SLC4A11: variants seen among roughly 807,000 people sequenced by gnomAD.
SLC4A11 encodes solute carrier family 4 member 11.
SLC4A11 carries 74 observed loss-of-function variants against 95.0 expected under a neutral mutation model. The observed-to-expected ratio is 0.78, with a 90% CI of 0.65 to 0.95. The LOEUF is 0.95. Among genes scored for constraint, SLC4A11 ranks in the 40% least tolerant of loss-of-function variants. The pLI is 0.00. For missense variants in SLC4A11, 1,081 were observed against 1,192.4 expected (o/e 0.91, Z 1.38); for synonymous variants, 548 against 519.0 (o/e 1.06, Z -0.76).
rs1257872912 is a variant in SLC4A11 at position 3,231,253 on chromosome 20, G to C, written c.949-11C>G. ...CTTGCACTTTGGGGGCTGGAGGAGA[G>C]GACAGAGCGCCTGTTAGCCCTGTCC... On this transcript the variant is annotated splice_polypyrimidine_tract_variant and intron_variant, in intron 8 of 19. Transcript: ENST00000642402. This position sits in a 1 kb window ranked among gnomAD's most constrained non-coding sequence, Gnocchi z 5.2. 2.5e-6 allele frequency: 4 copies of C among 1,613,654 alleles called. No individual in the cohort carries two copies. Among genetic ancestry groups the C allele is most frequent in the Non-Finnish European group, 3.4e-6 (4 of 1,180,018 alleles).
In SLC4A11 at chr20:3,231,139, G is replaced by T. The variant is rs1236632247; in HGVS notation, c.1042+10C>A. 6.2e-7 allele frequency: 1 copy of T among 1,614,040 alleles called. No homozygotes were observed. The highest frequency in any genetic ancestry group is 1.7e-5 in the Admixed American group (1 of 60,012). ...GTGGGCCCAAGGCCTGGAAAGCAGA[G>T]GCCACGTACCATCAGTGAAGTCCAA... On this transcript the variant is annotated intron_variant, in intron 9 of 19. Coordinates refer to ENST00000642402, the MANE Select transcript of SLC4A11 (RefSeq NM_001174089.2). The surrounding 1 kb of genome is among the most constrained non-coding windows in gnomAD (Gnocchi z 5.2).
chr20:3,239,229 G>A, upstream of SLC4A11: 2 of 1,310,998 alleles, frequency 1.5e-6, no homozygotes, highest in South Asian at 2.0e-5. Context: ...CCGGCGGCGG[G>A]AGCCGGCGAC....
chr20:3,234,465 T>C lies in SLC4A11; in HGVS notation c.291+103A>G. On this transcript the variant is annotated intron_variant, in intron 4 of 19. Coordinates refer to ENST00000642402, the MANE Select transcript of SLC4A11 (RefSeq NM_001174089.2). The surrounding 1 kb of genome is among the most constrained non-coding windows in gnomAD (Gnocchi z 5.8). The stretch of plus-strand genomic sequence containing the variant: ...TGCGAGCTCCCTGTTGAGCTGCTCC[T>C]GGAGGCATGGGAAGAGGGGAGCAGC... The C allele has an allele frequency of 1.3e-6, 2 of 1,553,056 alleles. No homozygotes were observed. The highest frequency in any genetic ancestry group is 1.7e-5 in the Admixed American group (1 of 59,812).
chr20:3,235,193 G>T (rs559133066), intron 2 of SLC4A11, among the ~76,000 whole-genome samples: 1 of 152,114 alleles, frequency 6.6e-6, no homozygotes. Flanking sequence ...GGGCAGGCAC[G>T]GAGTGCAATA....
chr20:3,234,212 G>A lies in SLC4A11; in HGVS notation c.394C>T (p.Leu132=). 1 of 1,614,156 alleles carries A rather than the reference G, an allele frequency of 6.2e-7. No homozygotes were observed. Among genetic ancestry groups the A allele is most frequent in the Non-Finnish European group, 8.5e-7 (1 of 1,180,040 alleles). ...AGCATGGTCCGCAGCACGTTATCCA[G>A]GGAGGTGGCCGTCTCGTTCAGGACG... ...SIVLNETATS[L]DNVLRTMLRR... Residue 132 remains leucine (L), a synonymous_variant, in exon 5 of 20, where the codon CTG becomes TTG. Coordinates refer to ENST00000642402, the MANE Select transcript of SLC4A11 (RefSeq NM_001174089.2). The surrounding 1 kb of genome is among the most constrained non-coding windows in gnomAD (Gnocchi z 5.8).
Position 3,229,258 on chromosome 20 carries a change from T to G in SLC4A11, c.1855A>C (p.Lys619Gln), listed in dbSNP as rs779432630. Residue 619 changes from lysine to glutamine, a missense_variant, in exon 16 of 20, where the codon AAG becomes CAG. Transcript: ENST00000642402. ...CTCTCGCTGGGGTTGTAGCGGAACT[T>G]GCTCACTGCAGTAGGGGACAGGCTA... is the stretch of plus-strand genomic sequence containing the variant. The part of the protein sequence containing the change: ...SHGFREIEMS[K>Q]FRYNPSESPF... 6.2e-7 allele frequency: 1 copy of G among 1,612,910 alleles called. No individual in the cohort carries two copies. The highest frequency in any genetic ancestry group is 8.5e-7 in the Non-Finnish European group (1 of 1,179,994).
rs759667344 is a variant in SLC4A11 at position 3,233,936 on chromosome 20, G to A, written c.590C>T (p.Ser197Leu). 8 of 1,613,352 alleles carry A rather than the reference G, an allele frequency of 5.0e-6. No homozygotes were observed. Among genetic ancestry groups the A allele is most frequent in the Non-Finnish European group, 6.8e-6 (8 of 1,180,018 alleles). The part of the protein sequence containing the change: ...ATVTGVRYQQ[S>L]WLCIICTMKA... ...GGCAACTCACATGATGCAGAGCCAC[G>A]ACTGCTGGTACCGCACCCCTGTCAC... is the stretch of plus-strand genomic sequence containing the variant. The change falls in exon 6 of 20, where the codon TCG becomes TTG. Residue 197 changes from serine to leucine, a missense_variant. By Grantham distance (145) the Ser-to-Leu change is moderately radical. Around this residue, in one of 3 missense-constraint regions of SLC4A11, gnomAD observed 310 missense variants for 313.5 expected, o/e 0.99. Transcript: ENST00000642402.
intron 1 of SLC4A11, 45 bp from the exon 2 acceptor site, chr20:3,237,633 T>G (rs764893018): frequency 5.0e-6 from 8 of 1,614,010 alleles, no homozygotes; most frequent in Non-Finnish European, 5.9e-6. Flanking sequence ...GACCAAGCCC[T>G]GGACCTCCTG....
chr20:3,237,527 C>A lies in SLC4A11; in HGVS notation c.88+17G>T, dbSNP rs1183164030. 1.2e-6 allele frequency: 2 copies of A among 1,613,220 alleles called. No homozygotes were observed. Among genetic ancestry groups the A allele is most frequent in the African/African-American group, 1.3e-5 (1 of 74,922 alleles). ...CAAGCTCTCTCTGCACACACACACT[C>A]CCCGAGAGGTACTCACTTGAATCCT... On this transcript the variant is annotated intron_variant, in intron 2 of 19. Transcript: ENST00000642402.
At position 3,229,770 on chromosome 20, in the gene SLC4A11, C is replaced by G; in HGVS notation, c.1496G>C (p.Trp499Ser). 6.2e-7 allele frequency: 1 copy of G among 1,613,870 alleles called. No individual in the cohort carries two copies. The highest frequency in any genetic ancestry group is 8.5e-7 in the Non-Finnish European group (1 of 1,179,986). The change falls in exon 14 of 20, where the codon TGG (tryptophan) becomes TCG (serine). Residue 499 changes from tryptophan (W) to serine (S), a missense_variant. By Grantham distance (177) the Trp-to-Ser change is radical. Coordinates refer to ENST00000642402, the MANE Select transcript of SLC4A11 (RefSeq NM_001174089.2). ...CAAGTAATGCCCATAGTAGTACTTC[C>G]AGAAGACTGTGGACACACACCCACA... ...DAVKGTVKIF[W>S]KYYYGHYLDD...
intron 6 of SLC4A11, 25 bp downstream of exon 6, chr20:3,233,893 AGGG>A: frequency 6.2e-7 from 1 of 1,610,306 alleles, no homozygotes; most frequent in Non-Finnish European, 8.5e-7. Flanking sequence ...TGCGACAAGA[AGGG>A]GGGCCAAGTG....
At chr20:3,230,122 G>A (rs1226643708) in intron 13 of SLC4A11, 65 bp downstream of exon 13, 99 of 1,557,732 alleles carry the variant, frequency 6.4e-5, no homozygotes, top group Non-Finnish European at 8.5e-5. Flanking sequence ...CCAGCCAGGG[G>A]CAGTGCAGAA....
intron 1 of SLC4A11, 136 bp downstream of exon 1, chr20:3,238,959 T>C: frequency 1.6e-6 from 2 of 1,260,420 alleles, no homozygotes; most frequent in Non-Finnish European, 2.0e-6. Context: ...CGGCTGGGAA[T>C]CCCGCAGCCC....
chr20:3,239,203 C>T (rs994033135), upstream of SLC4A11: 47 of 1,348,974 alleles, frequency 3.5e-5, no homozygotes, highest in Non-Finnish European at 4.2e-5. Context: ...ACCCCAAACT[C>T]GGCGACTCGG....
rs1156817384 is a variant in SLC4A11 at position 3,239,123 on chromosome 20, G to A, written c.15C>T (p.Thr5=). MAAA[T]RRVFHLQPCE... ...ACGGCTGCAGATGGAACACGCGCCT[G>A]GTGGCCGCGGCCATGGCACACTCGC... Residue 5 remains threonine, a synonymous_variant, in exon 1 of 20, where the codon ACC becomes ACT. Coordinates refer to ENST00000642402, the MANE Select transcript of SLC4A11 (RefSeq NM_001174089.2). 6.1e-6 allele frequency: 9 copies of A among 1,476,742 alleles called. No homozygotes were observed. Among genetic ancestry groups the A allele is most frequent in the Non-Finnish European group, 2.7e-6 (3 of 1,118,574 alleles). 91.5% of individuals were successfully genotyped at this position (1,476,742 alleles called of 1,614,324 possible).
chr20:3,229,576 T>C lies in SLC4A11; in HGVS notation c.1690A>G (p.Ile564Val). ...CCCAGCCAGAGCGTGCCCAGCATGA[T>C]GAGGAGGCTGAGCACGGCGGTCGCC... ...GQATAVLSLL[I>V]MLGTLWLGYT... Residue 564 changes from isoleucine to valine, a missense_variant, in exon 14 of 20, where the codon ATC becomes GTC. Physicochemically the swap from Ile to Val is conservative, Grantham distance 29. Transcript: ENST00000642402. 2 of 1,612,758 alleles carry C rather than the reference T, an allele frequency of 1.2e-6. No homozygotes were observed. The highest frequency in any genetic ancestry group is 1.7e-6 in the Non-Finnish European group (2 of 1,179,882).
Position 3,234,201 on chromosome 20 carries a change from C to A in SLC4A11, c.405G>T (p.Val135=), listed in dbSNP as rs371855167. Residue 135 remains valine, a synonymous_variant, in exon 5 of 20, where the codon GTG becomes GTT. Coordinates refer to ENST00000642402, the MANE Select transcript of SLC4A11 (RefSeq NM_001174089.2). The surrounding 1 kb of genome is among the most constrained non-coding windows in gnomAD (Gnocchi z 5.8). ...CGAAGCGGCGAAGCATGGTCCGCAG[C>A]ACGTTATCCAGGGAGGTGGCCGTCT... is the stretch of plus-strand genomic sequence containing the variant. The part of the protein sequence containing the change: ...LNETATSLDN[V]LRTMLRRFAR... 1.2e-6 allele frequency: 2 copies of A among 1,614,110 alleles called. No individual in the cohort carries two copies. Among genetic ancestry groups the A allele is most frequent in the Non-Finnish European group, 1.7e-6 (2 of 1,180,028 alleles).
chr20:3,238,271 G>T, intron 1 of SLC4A11: 1 of 1,283,620 alleles, frequency 7.8e-7, no homozygotes. Flanking sequence ...GTCCCCGGAT[G>T]GTCCCGGCTG....
At chr20:3,230,359 C>G in intron 12 of SLC4A11, 99 bp from the exon 13 acceptor site, 1 of 1,580,654 alleles carries the variant, frequency 6.3e-7, no homozygotes, top group Admixed American at 1.7e-5. Flanking sequence ...CTCCCCCTGC[C>G]AGGAAGAAGG....
Sources: allele counts gnomAD v4.1 joint callset (sites outside exome capture counted in the v4.1 genomes callset), GRCh38; gene constraint gnomAD v4.1.1; regional missense constraint gnomAD v4.1.1; non-coding constraint Gnocchi (gnomAD v3.1); transcripts MANE v1.5; gene names NCBI Gene and HGNC (gene_info 2026-07-23, HGNC 2026-07-21).